DIP2A: variants seen among roughly 807,000 people sequenced by gnomAD.
DIP2A encodes the protein disco-interacting protein 2 homolog A.
In DIP2A, 85 loss-of-function variants were observed where a neutral mutation model predicts 177.4. The observed-to-expected ratio is 0.48, with a 90% CI of 0.40 to 0.57. DIP2A has a LOEUF of 0.57. Among genes scored for constraint, DIP2A ranks in the 20% least tolerant of loss-of-function variants. DIP2A has a pLI of 0.00. For missense variants in DIP2A, 1,791 were observed against 2,100.2 expected, an observed-to-expected ratio of 0.85 and a Z score of 2.88; for synonymous variants, 886 against 881.8, an observed-to-expected ratio of 1.00 and a Z score of -0.08.
Position 46,565,787 on chromosome 21 carries a change from C to T in DIP2A, c.4239C>T (p.His1413=). 6.2e-7 allele frequency: 1 copy of T among 1,614,006 alleles called. No homozygotes were observed. The change falls in exon 36 of 38, where the codon CAC becomes CAT. Residue 1413 remains histidine (H), a synonymous_variant. Coordinates refer to ENST00000417564, the MANE Select transcript of DIP2A (RefSeq NM_015151.4). ...GGGAGGAGGCGCTTCATGCCGACCA[C>T]TTCAGTGCCCGGCTGAGTTTTGGAG... The part of the protein sequence containing the change: ...VYGEEALHAD[H]FSARLSFGDT...
chr21:46,537,587 C>G lies in DIP2A; in HGVS notation c.1801+48C>G. The stretch of plus-strand genomic sequence containing the variant: ...CCTTCACCCTTCTTTAGGGAAATCT[C>G]TTTGAACTGACCTTTGGTGCTTAAG... On this transcript the variant is annotated intron_variant, in intron 15 of 37. Transcript: ENST00000417564. The surrounding 1 kb of genome is among the most constrained non-coding windows in gnomAD (Gnocchi z 4.1). 1 of 1,562,150 alleles carries G rather than the reference C, an allele frequency of 6.4e-7. No homozygotes were observed. The highest frequency in any genetic ancestry group is 8.8e-7 in the Non-Finnish European group (1 of 1,136,460).
chr21:46,504,313 A>T, intron 5 of DIP2A, 48 bp from the exon 6 acceptor site: 1 of 1,607,832 alleles, frequency 6.2e-7, no homozygotes, highest in Non-Finnish European at 8.5e-7. Flanking sequence ...CTTAATACTC[A>T]TTTGACTTAA....
At chr21:46,531,610 CAT>C (rs2059360381) in intron 9 of DIP2A, among the ~76,000 whole-genome samples, 1 of 152,188 alleles carries the variant, frequency 6.6e-6, no homozygotes, top group African/African-American at 2.4e-5. Context: ...TTAGGTGAAT[CAT>C]AATAAAATGG....
the DIP2A span, among the ~76,000 whole-genome samples, chr21:46,579,677 A>G: frequency 2.0e-5 from 3 of 152,168 alleles, no homozygotes; most frequent in Non-Finnish European, 4.4e-5. Context: ...AGTTTCAAAT[A>G]AGTTCTTGAT....
intron 8 of DIP2A, among the ~76,000 whole-genome samples, chr21:46,517,054 C>G (rs868354247): frequency 1.8e-4 from 11 of 60,826 alleles, no homozygotes; most frequent in Non-Finnish European, 2.9e-4. Context: ...TTTTCTCTCT[C>G]TTTTTTTTTT....
intron 17 of DIP2A, 135 bp downstream of exon 17, chr21:46,540,126 C>A: frequency 1.5e-6 from 1 of 683,692 alleles, no homozygotes; most frequent in East Asian, 2.7e-5. Context: ...GCCTGGCCCC[C>A]CACATTTTGC....
At chr21:46,463,794 C>T (rs1053951614) in intron 1 of DIP2A, among the ~76,000 whole-genome samples, 4 of 151,660 alleles carry the variant, frequency 2.6e-5, no homozygotes, top group Admixed American at 6.6e-5. Context: ...CTGCAGCCTC[C>T]ACCTCCCGGG....
chr21:46,489,088 CA>C (rs1409680386), intron 2 of DIP2A, among the ~76,000 whole-genome samples: 2 of 152,188 alleles, frequency 1.3e-5, no homozygotes, highest in African/African-American at 2.4e-5. Flanking sequence ...CACAGACACA[CA>C]CAAACACACG....
intron 11 of DIP2A, 95 bp from the exon 12 acceptor site, chr21:46,533,909 G>T: frequency 9.0e-7 from 1 of 1,112,944 alleles, no homozygotes; most frequent in Non-Finnish European, 1.3e-6. Flanking sequence ...TATTCGCTCA[G>T]TAGCTAGTGC....
At chr21:46,474,500 CAT>C (rs1320913410) in intron 1 of DIP2A, among the ~76,000 whole-genome samples, 3 of 152,182 alleles carry the variant, frequency 2.0e-5, no homozygotes, top group Non-Finnish European at 4.4e-5. Flanking sequence ...GGAGACAGAA[CAT>C]GTGTGGGCAT....
chr21:46,534,089 A>AGGGACT lies in DIP2A; in HGVS notation c.1523_1528dup (p.Gly508_Thr509dup). 6.2e-7 allele frequency: 1 copy of AGGGACT among 1,613,698 alleles called. No homozygotes were observed. Among genetic ancestry groups the AGGGACT allele is most frequent in the Non-Finnish European group, 8.5e-7 (1 of 1,179,640 alleles). On this transcript the variant is annotated inframe_insertion, in exon 12 of 38. Coordinates refer to ENST00000417564, the MANE Select transcript of DIP2A (RefSeq NM_015151.4). ...ACTGGCACCCTCTGGCCCAGGACAC[A>AGGGACT]GGGACTGGGACTGCCTACATTGAGG...
At chr21:46,489,056 A>G (rs2056851580) in intron 2 of DIP2A, among the ~76,000 whole-genome samples, 1 of 150,904 alleles carries the variant, frequency 6.6e-6, no homozygotes, top group African/African-American at 2.4e-5. Context: ...CTCATTATGT[A>G]TTTTGTACAT....
chr21:46,567,545 G>A lies in DIP2A; in HGVS notation c.4639G>A (p.Glu1547Lys). The change falls in exon 38 of 38, where the codon GAG becomes AAG. Residue 1547 changes from glutamate (E) to lysine (K), a missense_variant. By Grantham distance (56) the Glu-to-Lys change is moderately conservative (BLOSUM62 1). Coordinates refer to ENST00000417564, the MANE Select transcript of DIP2A (RefSeq NM_015151.4). ...GGTGATCCCTATCAACTCTCGGGGT[G>A]AGAAGCAGCGCATGCACCTGCGGGA... ...PGVIPINSRGEKQRMHLRDGF... is the reference protein window; with the variant it reads ...PGVIPINSRGKKQRMHLRDGF... 6.2e-7 allele frequency: 1 copy of A among 1,613,870 alleles called. No individual in the cohort carries two copies. The highest frequency in any genetic ancestry group is 8.5e-7 in the Non-Finnish European group (1 of 1,179,840).
chr21:46,522,029 C>G (rs1202563848), intron 8 of DIP2A, among the ~76,000 whole-genome samples: 3 of 152,236 alleles, frequency 2.0e-5, no homozygotes, highest in Non-Finnish European at 4.4e-5. Context: ...ACCGAAGAAG[C>G]AGTTTATGAC....
At chr21:46,550,460 A>G in intron 22 of DIP2A, 83 bp from the exon 23 acceptor site, 1 of 1,337,560 alleles carries the variant, frequency 7.5e-7, no homozygotes, top group Non-Finnish European at 1.0e-6. Context: ...ACAGGTCCAC[A>G]GAGGGGATGT....
chr21:46,575,556 C>T, the DIP2A span, among the ~76,000 whole-genome samples: 434 of 152,212 alleles, frequency 2.9e-3, 1 homozygote, highest in African/African-American at 9.9e-3. Flanking sequence ...ATAAATTTAG[C>T]AACATAGCAG....
intron 8 of DIP2A, among the ~76,000 whole-genome samples, chr21:46,515,097 A>G (rs925646132): frequency 2.0e-5 from 3 of 152,322 alleles, no homozygotes; most frequent in Non-Finnish European, 4.4e-5. Flanking sequence ...TTGATCTGTA[A>G]TTCTTTAAGA....
rs1363376110 is a variant in DIP2A at position 46,532,220 on chromosome 21, G to A, written c.1288G>A (p.Val430Met). 6.2e-7 allele frequency: 1 copy of A among 1,613,882 alleles called. No individual in the cohort carries two copies. Among genetic ancestry groups the A allele is most frequent in the Non-Finnish European group, 8.5e-7 (1 of 1,179,840 alleles). Residue 430 changes from valine to methionine, a missense_variant, in exon 10 of 38, where the codon GTG becomes ATG. Coordinates refer to ENST00000417564, the MANE Select transcript of DIP2A (RefSeq NM_015151.4). ...LAELVPVPIE[V>M]PLTRKDAGSQ... ...AGAGCTGGTTCCTGTCCCCATAGAA[G>A]TGCCATTAACAAGAAAGGTAGCAAA...
chr21:46,556,970 G>A lies in DIP2A; in HGVS notation c.3530G>A (p.Arg1177His), dbSNP rs753015953. The change falls in exon 30 of 38, where the codon CGC becomes CAC. Residue 1177 changes from arginine to histidine, a missense_variant. Arg to His is a conservative substitution (Grantham distance 29). Transcript: ENST00000417564. The surrounding 1 kb of genome is among the most constrained non-coding windows in gnomAD (Gnocchi z 4.5). ...MSHAATSALC[R>H]SIKLQCELYP... ...CACGCGGCCACAAGCGCCTTATGCC[G>A]CTCCATAAAGCTGCAGTGTGAGCTG... 15 of 1,593,906 alleles carry A rather than the reference G, an allele frequency of 9.4e-6. No individual in the cohort carries two copies. The highest frequency in any genetic ancestry group is 6.8e-5 in the East Asian group (3 of 44,292).
Sources: allele counts gnomAD v4.1 joint callset (sites outside exome capture counted in the v4.1 genomes callset), GRCh38; gene constraint gnomAD v4.1.1; non-coding constraint Gnocchi (gnomAD v3.1); transcripts MANE v1.5; gene names NCBI Gene and HGNC (gene_info 2026-07-23, HGNC 2026-07-21).